Variants in CAMKMT observed in about 807,000 individuals in gnomAD.
CAMKMT encodes the protein calmodulin-lysine N-methyltransferase.
A neutral mutation model predicts 48.0 loss-of-function variants in CAMKMT; 53 were observed. That is an observed-to-expected ratio of 1.10 (90% CI 0.89 to 1.39). The LOEUF (loss-of-function observed/expected upper bound fraction) is 1.39. Ranked by LOEUF, CAMKMT falls within the 40% of genes most tolerant of loss-of-function variation. The pLI is 0.00. For missense variants in CAMKMT, 428 were observed against 402.7 expected (o/e 1.06, Z -0.54); for synonymous variants, 165 against 152.3 (o/e 1.08, Z -0.61).
At chr2:44,487,030 A>G (rs1474846320) in intron 3 of CAMKMT, among the ~76,000 whole-genome samples, 3 of 152,222 alleles carry the variant, frequency 2.0e-5, no homozygotes, top group Non-Finnish European at 2.9e-5. Flanking sequence ...TCAGCACTGA[A>G]TATTAGGATG....
At position 44,522,589 on chromosome 2, in the gene CAMKMT, T is replaced by G. The variant is rs1311876681; in HGVS notation, c.376+132284T>G. 2.0e-5 allele frequency among the ~76,000 whole-genome samples: 3 copies of G among 152,216 alleles called. No individual in the cohort carries two copies. In the East Asian group the frequency reaches 5.8e-4, roughly 29 times the overall value. Reference sequence around the variant, plus strand: ...TGAAAGGGTTTATAATGCATTACCTTAAATCATTCTGGGGTCATTGAGGGT... The same window carrying G: ...TGAAAGGGTTTATAATGCATTACCTGAAATCATTCTGGGGTCATTGAGGGT... On this transcript the variant is annotated intron_variant, in intron 3 of 10. Coordinates refer to ENST00000378494, the MANE Select transcript of CAMKMT (RefSeq NM_024766.5).
intron 3 of CAMKMT, among the ~76,000 whole-genome samples, chr2:44,427,450 A>G (rs1379068501): frequency 2.6e-5 from 4 of 152,228 alleles, no homozygotes; most frequent in Non-Finnish European, 1.5e-5. Context: ...AATGTAAACA[A>G]ATCAACAAGA....
chr2:44,602,904 A>C (rs1383617303), intron 3 of CAMKMT, among the ~76,000 whole-genome samples: 1 of 152,016 alleles, frequency 6.6e-6, no homozygotes, highest in Admixed American at 6.5e-5. Flanking sequence ...ATCACATACC[A>C]GTCAAACTAG....
At chr2:44,765,192 C>T (rs1680785937) in intron 9 of CAMKMT, among the ~76,000 whole-genome samples, 2 of 152,102 alleles carry the variant, frequency 1.3e-5, no homozygotes, top group Non-Finnish European at 2.9e-5. Flanking sequence ...TGCACCACTG[C>T]ACTCCAGCCT....
chr2:44,769,842 G>A (rs1309739338), intron 10 of CAMKMT, among the ~76,000 whole-genome samples: 2 of 152,132 alleles, frequency 1.3e-5, no homozygotes, highest in African/African-American at 4.8e-5. Flanking sequence ...AATCTGTGTG[G>A]TGTGCTGTTG....
At chr2:44,453,297 A>G (rs766387548) in intron 3 of CAMKMT, among the ~76,000 whole-genome samples, 1 of 152,106 alleles carries the variant, frequency 6.6e-6, no homozygotes, top group Non-Finnish European at 1.5e-5. Context: ...TAATGTTTGT[A>G]CTAGTGAGTC....
intron 2 of CAMKMT, among the ~76,000 whole-genome samples, chr2:44,382,232 C>T (rs1085492): frequency 6.6e-6 from 1 of 151,852 alleles, no homozygotes; most frequent in African/African-American, 2.4e-5. Flanking sequence ...CGTGAGTCAT[C>T]TTGCATTTTG....
chr2:44,432,134 G>A (rs1015339271), intron 3 of CAMKMT, among the ~76,000 whole-genome samples: 1 of 152,140 alleles, frequency 6.6e-6, no homozygotes, highest in Non-Finnish European at 1.5e-5. Context: ...AAATAAGAAT[G>A]TTTAAAATAT....
chr2:44,554,091 T>A (rs1480120630), intron 3 of CAMKMT, among the ~76,000 whole-genome samples: 2 of 152,196 alleles, frequency 1.3e-5, no homozygotes, highest in African/African-American at 4.8e-5. Context: ...CATTATGACC[T>A]TTTGCTAACT....
intron 7 of CAMKMT, among the ~76,000 whole-genome samples, chr2:44,732,384 A>G (rs1679123348): frequency 6.6e-6 from 1 of 152,272 alleles, no homozygotes; most frequent in African/African-American, 2.4e-5. Flanking sequence ...ATGAAATAAA[A>G]TGGAGAGAAT....
At chr2:44,655,606 T>A (rs1674335997) in intron 3 of CAMKMT, among the ~76,000 whole-genome samples, 1 of 152,204 alleles carries the variant, frequency 6.6e-6, no homozygotes, top group African/African-American at 2.4e-5. Context: ...GCATTATCTA[T>A]ACGCAAATGA....
At position 44,366,812 on chromosome 2, in the gene CAMKMT, C is replaced by T. The variant is rs543707398; in HGVS notation, c.138+4667C>T. ...TCTCGGCTCACTGCAACCTCCATGT[C>T]CTGGGTTCAAACGATTCTTGTGCCT... On this transcript the variant is annotated intron_variant, in intron 1 of 10. Transcript: ENST00000378494. Among the ~76,000 whole-genome samples, 22 of 151,068 alleles carry T rather than the reference C, an allele frequency of 1.5e-4. No individual in the cohort carries two copies. The South Asian group carries it at 3.6e-3, about 24-fold the overall frequency.
At chr2:44,401,620 A>T (rs953186980) in intron 3 of CAMKMT, among the ~76,000 whole-genome samples, 1 of 152,210 alleles carries the variant, frequency 6.6e-6, no homozygotes, top group African/African-American at 2.4e-5. Context: ...TACCCTGCTA[A>T]CAATTTTTAG....
chr2:44,768,986 C>T (rs544603671), intron 10 of CAMKMT, among the ~76,000 whole-genome samples: 13 of 152,218 alleles, frequency 8.5e-5, no homozygotes, highest in African/African-American at 2.9e-4. Flanking sequence ...CACAAATGGT[C>T]GTGAAGAGAT....
intron 3 of CAMKMT, among the ~76,000 whole-genome samples, chr2:44,529,232 T>C (rs1388574557): frequency 6.6e-6 from 1 of 152,216 alleles, no homozygotes; most frequent in African/African-American, 2.4e-5. Context: ...CTAGATTTTT[T>C]AACCTATTTC....
At chr2:44,578,148 C>A (rs1669339758) in intron 3 of CAMKMT, among the ~76,000 whole-genome samples, 1 of 152,106 alleles carries the variant, frequency 6.6e-6, no homozygotes, top group Non-Finnish European at 1.5e-5. Flanking sequence ...TGGAGGTGAT[C>A]TCTCATTACC....
At chr2:44,756,795 GC>G (rs528222535) in intron 9 of CAMKMT, among the ~76,000 whole-genome samples, 196 of 152,132 alleles carry the variant, frequency 1.3e-3, no homozygotes, top group Non-Finnish European at 2.4e-3. Context: ...CAACACAGGG[GC>G]TACATGGTGG....
intron 3 of CAMKMT, among the ~76,000 whole-genome samples, chr2:44,633,747 G>A (rs995311651): frequency 1.6e-4 from 25 of 151,778 alleles, no homozygotes; most frequent in African/African-American, 5.8e-4. Context: ...CACTTCTATG[G>A]TTAAATTTTC....
rs138096703 is a variant in CAMKMT, at chr2:44,638,882, C to T, written c.377-65401C>T. 4.3e-3 allele frequency among the ~76,000 whole-genome samples: 651 copies of T among 152,298 alleles called. 2 individuals are homozygous for T. The highest frequency in any genetic ancestry group is 6.8e-3 in the Non-Finnish European group (466 of 68,030). On this transcript the variant is annotated intron_variant, in intron 3 of 10. Coordinates refer to ENST00000378494, the MANE Select transcript of CAMKMT (RefSeq NM_024766.5). Reference sequence around the variant, plus strand: ...CTGCCAGTTTTGCTATCTTTGCTGGCAGAGGGGCAGAACCGACACTTTTGT... The same window carrying T: ...CTGCCAGTTTTGCTATCTTTGCTGGTAGAGGGGCAGAACCGACACTTTTGT...
Sources: gnomAD v4.1 joint callset for allele counts (sites outside exome capture counted in the v4.1 genomes callset) on GRCh38, gnomAD v4.1.1 for gene constraint, MANE v1.5 for transcripts, NCBI Gene and HGNC (gene_info 2026-07-23, HGNC 2026-07-21) for gene names.